LAMA4: variants seen among roughly 807,000 people sequenced by gnomAD.
LAMA4 encodes the protein laminin subunit alpha 4.
Under a neutral mutation model 207.1 loss-of-function variants are expected in LAMA4, and 127 were observed. The ratio of observed to expected loss-of-function variants is 0.61; its 90% CI spans 0.53 to 0.71. The LOEUF (loss-of-function observed/expected upper bound fraction) is 0.71. Ranked by LOEUF, LAMA4 falls within the 30% of genes least tolerant of loss-of-function variation. LAMA4 has a pLI of 0.00. For missense variants in LAMA4, 2,093 were observed against 2,246.5 expected, an observed-to-expected ratio of 0.93 and a Z score of 1.38; for synonymous variants, 761 against 816.0, an observed-to-expected ratio of 0.93 and a Z score of 1.15.
chr6:112,210,034 T>TCC lies in LAMA4; in HGVS notation c.298-2891_298-2890dup, dbSNP rs1356807831. 2.0e-5 allele frequency among the ~76,000 whole-genome samples: 3 copies of TCC among 151,806 alleles called. No homozygotes were observed. The South Asian group carries it at 6.3e-4, about 32-fold the overall frequency. On this transcript the variant is annotated intron_variant, in intron 3 of 38. Coordinates refer to ENST00000230538, the MANE Select transcript of LAMA4 (RefSeq NM_001105206.3). ...TGTGCTCTCCCTCTCTCTCTCTCTC[T>TCC]CCCCCACCTCCCACTGCAGGCCATG...
intron 16 of LAMA4, 108 bp from the exon 17 acceptor site, chr6:112,150,735 T>C: frequency 1.2e-6 from 1 of 807,762 alleles, no homozygotes; most frequent in Non-Finnish European, 2.2e-6. Context: ...ATCTGCAGTA[T>C]TTGCAGTATT....
chr6:112,190,938 T>TTTCTTTC, intron 6 of LAMA4, among the ~76,000 whole-genome samples: 1 of 59,880 alleles, frequency 1.7e-5, no homozygotes, highest in South Asian at 7.2e-4. Context: ...TTTCTTTCTT[T>TTTCTTTC]CTTTCTTTCC....
chr6:112,171,630 T>C (rs1386203530), intron 12 of LAMA4: 1 of 153,356 alleles, frequency 6.5e-6, no homozygotes, highest in Non-Finnish European at 1.5e-5. Context: ...TAAAACAGTA[T>C]TTTGTGTTAT....
chr6:112,151,711 TG>T (rs1780415626), intron 16 of LAMA4, among the ~76,000 whole-genome samples: 1 of 152,152 alleles, frequency 6.6e-6, no homozygotes, highest in African/African-American at 2.4e-5. Flanking sequence ...GAATTGGTAA[TG>T]TAGGGTGTCC....
At chr6:112,184,012 T>C (rs1482086442) in intron 9 of LAMA4, among the ~76,000 whole-genome samples, 1 of 151,632 alleles carries the variant, frequency 6.6e-6, no homozygotes, top group Non-Finnish European at 1.5e-5. Flanking sequence ...CAACCATATC[T>C]GATACCAACA....
rs1554347721 is a variant in LAMA4 at position 112,189,193 on chromosome 6, C to T, written c.731G>A (p.Gly244Glu). 1 of 1,613,786 alleles carries T rather than the reference C, an allele frequency of 6.2e-7. No individual in the cohort carries two copies. The highest frequency in any genetic ancestry group is 1.1e-5 in the South Asian group (1 of 91,080). Residue 244 changes from glycine (G) to glutamate (E), a missense_variant, in exon 7 of 39, where the codon GGG becomes GAG. This residue lies in a region of LAMA4 where 1,704 missense variants were observed against 1,788.4 expected (regional missense o/e 0.95). Coordinates refer to ENST00000230538, the MANE Select transcript of LAMA4 (RefSeq NM_001105206.3). ...GGTTACACTGTCACATGGGCCTCCC[C>T]CGCAGTTGCACACTGTGGGAAACAA... ...IAKNCAVCNC[G>E]GGPCDSVTGE...
At chr6:112,217,151 A>G (rs1784674964) in intron 2 of LAMA4, among the ~76,000 whole-genome samples, 1 of 152,288 alleles carries the variant, frequency 6.6e-6, no homozygotes, top group Non-Finnish European at 1.5e-5. Flanking sequence ...GAGAGGTGCT[A>G]AGTGGCTTTT....
chr6:112,230,189 C>A (rs1344078835), intron 2 of LAMA4, among the ~76,000 whole-genome samples: 1 of 152,192 alleles, frequency 6.6e-6, no homozygotes, highest in Admixed American at 6.5e-5. Flanking sequence ...CACCTGGCAG[C>A]TGTGCAGTAA....
At chr6:112,163,042 G>A (rs1781156840) in intron 13 of LAMA4, among the ~76,000 whole-genome samples, 1 of 148,958 alleles carries the variant, frequency 6.7e-6, no homozygotes, top group Non-Finnish European at 1.5e-5. Context: ...CACCATCACG[G>A]CTCACTGCAG....
chr6:112,125,520 AT>A (rs1191764927), intron 31 of LAMA4, among the ~76,000 whole-genome samples: 4 of 152,254 alleles, frequency 2.6e-5, no homozygotes, highest in African/African-American at 9.6e-5. Context: ...TGAAATGTTC[AT>A]TATTAAACAC....
chr6:112,194,156 C>G (rs1179625402), intron 5 of LAMA4, among the ~76,000 whole-genome samples: 1 of 152,178 alleles, frequency 6.6e-6, no homozygotes, highest in African/African-American at 2.4e-5. Context: ...GAACTTGTGG[C>G]TGGATTGAAT....
At chr6:112,237,023 A>G (rs979848050) in intron 2 of LAMA4, 1 of 152,220 alleles carries the variant, frequency 6.6e-6, no homozygotes, top group Non-Finnish European at 1.5e-5. Context: ...TCCTATGAAG[A>G]TCAAATGATA....
chr6:112,206,953 A>ACAACAAAACG (rs1784090624), intron 4 of LAMA4, 68 bp downstream of exon 4: 1 of 1,591,868 alleles, frequency 6.3e-7, no homozygotes, highest in African/African-American at 1.3e-5. Flanking sequence ...AAGGCAAAAC[A>ACAACAAAACG]AAACAAAACA....
At chr6:112,182,500 C>T (rs1782428169) in intron 9 of LAMA4, among the ~76,000 whole-genome samples, 2 of 152,208 alleles carry the variant, frequency 1.3e-5, no homozygotes, top group Non-Finnish European at 2.9e-5. Flanking sequence ...ACTTAATTTT[C>T]TCCTGCCTTT....
rs114700081 is a variant in LAMA4, at chr6:112,229,277, T to C, written c.196-12808A>G. ...TTCCTCATGGCCCCATTTCTCACTT[T>C]CTTTGTTGGTGGAGAGCAGCCCATC... On this transcript the variant is annotated intron_variant, in intron 2 of 38. Coordinates refer to ENST00000230538, the MANE Select transcript of LAMA4 (RefSeq NM_001105206.3). Among the ~76,000 whole-genome samples, 538 of 152,280 alleles carry C rather than the reference T, an allele frequency of 3.5e-3. 3 individuals carry two copies. Among genetic ancestry groups the C allele is most frequent in the African/African-American group, 0.012 (519 of 41,556 alleles).
intron 35 of LAMA4, among the ~76,000 whole-genome samples, chr6:112,116,942 TA>T (rs1778054247): frequency 6.6e-6 from 1 of 152,080 alleles, no homozygotes; most frequent in Non-Finnish European, 1.5e-5. Context: ...AGAGAGGAAA[TA>T]CTACCTCTGG....
At chr6:112,191,117 G>T (rs1783094551) in intron 6 of LAMA4, among the ~76,000 whole-genome samples, 1 of 151,666 alleles carries the variant, frequency 6.6e-6, no homozygotes, top group Non-Finnish European at 1.5e-5. Context: ...TGCTGGGTGG[G>T]ACTATAGGCA....
At chr6:112,148,418 A>G in intron 17 of LAMA4, 82 bp from the exon 18 acceptor site, 1 of 1,439,880 alleles carries the variant, frequency 6.9e-7, no homozygotes, top group Non-Finnish European at 9.7e-7. Context: ...TTAACCCTTG[A>G]ATGAAACAGA....
intron 2 of LAMA4, among the ~76,000 whole-genome samples, chr6:112,252,031 G>T (rs1787497616): frequency 6.6e-6 from 1 of 151,980 alleles, no homozygotes; most frequent in African/African-American, 2.4e-5. Flanking sequence ...CTCAAATAAG[G>T]GTTTCTTTTA....
Sources: gnomAD v4.1 joint callset for allele counts (sites outside exome capture counted in the v4.1 genomes callset) on GRCh38, gnomAD v4.1.1 for gene constraint, gnomAD v4.1.1 regional missense constraint, MANE v1.5 for transcripts, NCBI Gene and HGNC (gene_info 2026-07-23, HGNC 2026-07-21) for gene names.